The following CCSER1 variants were observed in gnomAD, a reference collection of about 807,000 sequenced individuals.
CCSER1 encodes the protein coiled-coil serine rich protein 1, also known as serine-rich coiled-coil domain-containing protein 1.
A neutral mutation model predicts 82.0 loss-of-function variants in CCSER1; 41 were observed. That is an observed-to-expected ratio of 0.50 (90% CI 0.39 to 0.65). CCSER1 has a LOEUF of 0.65. Ranked by LOEUF, CCSER1 falls within the 30% of genes least tolerant of loss-of-function variation. The pLI, the probability that CCSER1 is intolerant of heterozygous loss-of-function variation, is 0.00. For synonymous variants in CCSER1, 414 were observed against 383.9 expected, an observed-to-expected ratio of 1.08 and a Z score of -0.92; for missense variants, 1,119 against 1,064.2, an observed-to-expected ratio of 1.05 and a Z score of -0.72.
chr4:90,155,489 G>A (rs1662881974), intron 1 of CCSER1, among the ~76,000 whole-genome samples: 2 of 152,160 alleles, frequency 1.3e-5, no homozygotes, highest in Non-Finnish European at 2.9e-5. Flanking sequence ...GTAGAATTCA[G>A]CTGTGAATCC....
rs145874974 is a variant in CCSER1 at position 90,219,124 on chromosome 4, A to C, written c.-41-89120A>C. 8.6e-4 allele frequency among the ~76,000 whole-genome samples: 131 copies of C among 152,338 alleles called. 2 individuals carry two copies. The East Asian group carries it at 0.02, about 23-fold the overall frequency. ...GAAAGATCACAGAGAGAGATGGGTT[A>C]GAAATCATTTGAATAATCTACATGA... is the stretch of plus-strand genomic sequence containing the variant. On this transcript the variant is annotated intron_variant, in intron 1 of 10. Coordinates refer to ENST00000509176, the MANE Select transcript of CCSER1 (RefSeq NM_001145065.2).
intron 10 of CCSER1, among the ~76,000 whole-genome samples, chr4:91,560,212 A>G (rs539787253): frequency 6.6e-6 from 1 of 151,672 alleles, no homozygotes; most frequent in African/African-American, 2.4e-5. Flanking sequence ...TGTTGCTACC[A>G]TATAATTTCC....
At chr4:90,671,949 CGTA>C (rs1255162652) in intron 6 of CCSER1, among the ~76,000 whole-genome samples, 7 of 151,982 alleles carry the variant, frequency 4.6e-5, no homozygotes, top group African/African-American at 1.7e-4. Context: ...TTGTTCAACA[CGTA>C]GTAATATTTT....
chr4:90,744,756 G>A (rs1045203846), intron 7 of CCSER1, among the ~76,000 whole-genome samples: 1 of 152,014 alleles, frequency 6.6e-6, no homozygotes, highest in Non-Finnish European at 1.5e-5. Context: ...TGAACTGCAC[G>A]TACAAGGGAT....
At chr4:90,143,439 C>T (rs1725182690) in intron 1 of CCSER1, among the ~76,000 whole-genome samples, 1 of 149,680 alleles carries the variant, frequency 6.7e-6, no homozygotes, top group Admixed American at 6.7e-5. Context: ...GAACACAGTT[C>T]ATGTTTGGTT....
chr4:91,475,949 C>A (rs1377838237), intron 10 of CCSER1, among the ~76,000 whole-genome samples: 2 of 151,754 alleles, frequency 1.3e-5, no homozygotes, highest in Non-Finnish European at 3.0e-5. Context: ...CCAGTTCCAT[C>A]CATGTTGCTG....
At chr4:90,454,404 A>G (rs960702427) in intron 4 of CCSER1, among the ~76,000 whole-genome samples, 3 of 152,060 alleles carry the variant, frequency 2.0e-5, no homozygotes, top group South Asian at 2.1e-4. Flanking sequence ...TTATCCTTCA[A>G]CTGAATCAAG....
chr4:90,444,295 C>A (rs1760320215), intron 4 of CCSER1, among the ~76,000 whole-genome samples: 1 of 152,000 alleles, frequency 6.6e-6, no homozygotes, highest in African/African-American at 2.4e-5. Context: ...GTCTTACTGC[C>A]ATTCTTTGTT....
At chr4:90,834,859 T>C (rs998962730) in intron 8 of CCSER1, among the ~76,000 whole-genome samples, 3 of 152,226 alleles carry the variant, frequency 2.0e-5, no homozygotes, top group South Asian at 4.1e-4. Context: ...CTTACAGTTA[T>C]TGAGCCTTCC....
At chr4:90,554,886 G>A (rs1439473951) in intron 5 of CCSER1, among the ~76,000 whole-genome samples, 1 of 152,164 alleles carries the variant, frequency 6.6e-6, no homozygotes, top group Non-Finnish European at 1.5e-5. Flanking sequence ...GCACCTTCAA[G>A]TTAGTGAAGA....
In CCSER1 at chr4:90,799,115, C is replaced by T. The variant is rs148997771; in HGVS notation, c.2011-16647C>T. The stretch of plus-strand genomic sequence containing the variant: ...CGGTGAGGGGGGTCTCTGTTGGCAA[C>T]TGTGTGTATGGTCACACTGGAGGTG... On this transcript the variant is annotated intron_variant, in intron 7 of 10. Coordinates refer to ENST00000509176, the MANE Select transcript of CCSER1 (RefSeq NM_001145065.2). Among the ~76,000 whole-genome samples, 782 of 152,226 alleles carry T rather than the reference C, an allele frequency of 5.1e-3. 5 individuals are homozygous for T. The highest frequency in any genetic ancestry group is 0.017 in the African/African-American group (709 of 41,544).
chr4:90,659,586 C>T (rs975959778), intron 6 of CCSER1, among the ~76,000 whole-genome samples: 5 of 152,070 alleles, frequency 3.3e-5, no homozygotes, highest in African/African-American at 1.2e-4. Flanking sequence ...ATTATTATAA[C>T]ATTTTTATCA....
At chr4:90,853,138 C>T (rs1191300424) in intron 8 of CCSER1, among the ~76,000 whole-genome samples, 4 of 151,952 alleles carry the variant, frequency 2.6e-5, no homozygotes, top group Non-Finnish European at 5.9e-5. Flanking sequence ...ATGTAGAGTC[C>T]TTCTTCTACC....
At chr4:90,420,315 G>A (rs377565343) in intron 4 of CCSER1, among the ~76,000 whole-genome samples, 1 of 151,942 alleles carries the variant, frequency 6.6e-6, no homozygotes, top group South Asian at 2.1e-4. Context: ...GTTAAATGAT[G>A]TACTTAAGTG....
chr4:91,033,793 C>G (rs1420836405), intron 9 of CCSER1, among the ~76,000 whole-genome samples: 1 of 152,164 alleles, frequency 6.6e-6, no homozygotes, highest in African/African-American at 2.4e-5. Context: ...TCTGCTACAG[C>G]AGCACCGTAA....
rs957410865 is a variant in CCSER1, at chr4:90,583,794, GA to G, written c.1725-44224del. ...TCAACCATGGATGAAAATATTCAAG[GA>G]AAAAAACTGATTTTTTTTTCAAATA... On this transcript the variant is annotated intron_variant, in intron 5 of 10. Coordinates refer to ENST00000509176, the MANE Select transcript of CCSER1 (RefSeq NM_001145065.2). Among the ~76,000 whole-genome samples, 918 of 151,570 alleles carry G rather than the reference GA, an allele frequency of 6.1e-3. 8 individuals are homozygous for G. The highest frequency in any genetic ancestry group is 0.021 in the African/African-American group (861 of 41,320).
intron 5 of CCSER1, among the ~76,000 whole-genome samples, chr4:90,470,406 G>A (rs564745135): frequency 6.6e-6 from 1 of 152,136 alleles, no homozygotes; most frequent in Admixed American, 6.6e-5. Context: ...CAAGAACAGA[G>A]TATAAATGCA....
At chr4:90,941,597 T>C (rs1020469559) in intron 9 of CCSER1, among the ~76,000 whole-genome samples, 1 of 152,180 alleles carries the variant, frequency 6.6e-6, no homozygotes, top group Non-Finnish European at 1.5e-5. Flanking sequence ...GCTTTTCAGG[T>C]TGTATTTTGA....
intron 10 of CCSER1, among the ~76,000 whole-genome samples, chr4:91,193,761 A>G (rs570731517): frequency 6.6e-6 from 1 of 152,154 alleles, no homozygotes; most frequent in South Asian, 2.1e-4. Context: ...TATGGACACA[A>G]TGAATGCCCA....
Sources: allele counts gnomAD v4.1 joint callset (sites outside exome capture counted in the v4.1 genomes callset), GRCh38; gene constraint gnomAD v4.1.1; transcripts MANE v1.5; gene names NCBI Gene and HGNC (gene_info 2026-07-23, HGNC 2026-07-21).